The following PDCL3 variants were observed in gnomAD, a reference collection of about 807,000 sequenced individuals.
PDCL3 encodes phosducin-like protein 3.
In PDCL3, 22 loss-of-function variants were observed where a neutral mutation model predicts 26.5. The observed-to-expected ratio is 0.83, with a 90% CI of 0.59 to 1.19. PDCL3 has a LOEUF of 1.19. Among genes scored for constraint, PDCL3 ranks in the 50% most tolerant of loss-of-function variants. The pLI, the probability that PDCL3 is intolerant of heterozygous loss-of-function variation, is 0.00. For synonymous variants in PDCL3, 81 were observed against 104.9 expected, an observed-to-expected ratio of 0.77 and a Z score of 1.39; for missense variants, 246 against 294.1, an observed-to-expected ratio of 0.84 and a Z score of 1.20.
chr2:100,571,553 A>T (rs760831352), intron 4 of PDCL3, 37 bp from the exon 5 acceptor site: 10 of 1,586,078 alleles, frequency 6.3e-6, no homozygotes. Flanking sequence ...TAAATGTAGG[A>T]TCATAATTGC....
Position 100,571,576 on chromosome 2 carries a change from T to G in PDCL3, c.369-14T>G. On this transcript the variant is annotated splice_polypyrimidine_tract_variant and intron_variant, in intron 4 of 5. Coordinates refer to ENST00000264254, the MANE Select transcript of PDCL3 (RefSeq NM_024065.5). ...GGATCATAATTGCTTCTGTTTTCTA[T>G]GTGTGTTTTATAGAATTCCCCTCTG... The G allele has an allele frequency of 6.2e-7, 1 of 1,610,818 alleles. No individual in the cohort carries two copies. Among genetic ancestry groups the G allele is most frequent in the Non-Finnish European group, 8.5e-7 (1 of 1,178,824 alleles).
intron 1 of PDCL3, among the ~76,000 whole-genome samples, chr2:100,564,465 T>C (rs1675020446): frequency 6.6e-6 from 1 of 151,980 alleles, no homozygotes; most frequent in Non-Finnish European, 1.5e-5. Context: ...CCCGGGTAAT[T>C]TTTTGTATTT....
In PDCL3 at chr2:100,571,687, C is replaced by A; in HGVS notation, c.466C>A (p.Pro156Thr). ...CAAAGCCATTTCAACAACCTGCATA[C>A]CCAATTATCCTGATAGGAATCTGCC... ...FIKAISTTCI[P>T]NYPDRNLPTI... The change falls in exon 5 of 6, where the codon CCC becomes ACC. Residue 156 changes from proline (P) to threonine (T), a missense_variant. Pro to Thr is a conservative substitution (Grantham distance 38). Coordinates refer to ENST00000264254, the MANE Select transcript of PDCL3 (RefSeq NM_024065.5). 4 of 1,613,702 alleles carry A rather than the reference C, an allele frequency of 2.5e-6. No homozygotes were observed. The highest frequency in any genetic ancestry group is 3.4e-6 in the Non-Finnish European group (4 of 1,179,906).
rs150723180 is a variant in PDCL3 at position 100,566,704 on chromosome 2, G to A, written c.133+75G>A. 3.7e-4 allele frequency: 583 copies of A among 1,581,646 alleles called. 4 individuals are homozygous for A. In the East Asian group the frequency reaches 0.012, roughly 34 times the overall value. ...CCTAAGCCTCTGACTGCCCTGCCAG[G>A]AGACAGGTTGGAGTGCCAGCATGGA... is the stretch of plus-strand genomic sequence containing the variant. On this transcript the variant is annotated intron_variant, in intron 2 of 5. Coordinates refer to ENST00000264254, the MANE Select transcript of PDCL3 (RefSeq NM_024065.5).
chr2:100,572,573 A>G (rs1242629893), intron 5 of PDCL3, among the ~76,000 whole-genome samples: 1 of 149,616 alleles, frequency 6.7e-6, no homozygotes, highest in East Asian at 2.0e-4. Flanking sequence ...GCTGGAGTGC[A>G]ATCACGTGAT....
intron 5 of PDCL3, 126 bp from the exon 6 acceptor site, chr2:100,576,228 C>G: frequency 9.7e-7 from 1 of 1,027,290 alleles, no homozygotes; most frequent in Non-Finnish European, 1.4e-6. Flanking sequence ...AGGCGTGAGC[C>G]ATTGTGCTGG....
intron 5 of PDCL3, 124 bp downstream of exon 5, chr2:100,571,922 G>GTGACTGTGTAT: frequency 6.9e-5 from 62 of 895,140 alleles, no homozygotes; most frequent in Admixed American, 2.7e-4. Flanking sequence ...CTGTGTATGA[G>GTGACTGTGTAT]GACGGAAGCA....
rs563555847 is a variant in PDCL3 at position 100,568,094 on chromosome 2, C to T, written c.134-837C>T. On this transcript the variant is annotated intron_variant, in intron 2 of 5. Coordinates refer to ENST00000264254, the MANE Select transcript of PDCL3 (RefSeq NM_024065.5). ...CCTCCCAAAGAGCTGGGATTATAGG[C>T]GTGAGCCACTGCACCCAGCCAAGGG... is the stretch of plus-strand genomic sequence containing the variant. Among the ~76,000 whole-genome samples, 8 of 152,240 alleles carry T rather than the reference C, an allele frequency of 5.3e-5. No individual in the cohort carries two copies. The South Asian group carries it at 1.4e-3, about 28-fold the overall frequency.
At chr2:100,564,939 G>T (rs554538616) in intron 1 of PDCL3, among the ~76,000 whole-genome samples, 17 of 152,298 alleles carry the variant, frequency 1.1e-4, no homozygotes, top group Non-Finnish European at 1.6e-4. Flanking sequence ...AGAGTGCCCT[G>T]TATTTTATGA....
rs1209052370 is a variant in PDCL3, at chr2:100,568,996, G to A, written c.199G>A (p.Asp67Asn). The change falls in exon 3 of 6, where the codon GAT becomes AAT. Residue 67 changes from aspartate to asparagine, a missense_variant. Coordinates refer to ENST00000264254, the MANE Select transcript of PDCL3 (RefSeq NM_024065.5). ...TCATGAAGACGAGTTTAATGAGGAG[G>A]ATGAACGTGCTATTGAAATGTACAG... The part of the protein sequence containing the change: ...EDHEDEFNEE[D>N]ERAIEMYRRR... 1.9e-6 allele frequency: 3 copies of A among 1,614,048 alleles called. No individual in the cohort carries two copies. The highest frequency in any genetic ancestry group is 1.1e-5 in the South Asian group (1 of 91,078).
intron 5 of PDCL3, among the ~76,000 whole-genome samples, chr2:100,575,394 C>A (rs748947822): frequency 7.8e-4 from 119 of 152,334 alleles, no homozygotes; most frequent in Non-Finnish European, 1.4e-3. Flanking sequence ...CTTGGCCTCC[C>A]AAAGTGCTGG....
At chr2:100,567,739 A>G (rs1307871255) in intron 2 of PDCL3, among the ~76,000 whole-genome samples, 1 of 152,084 alleles carries the variant, frequency 6.6e-6, no homozygotes, top group Non-Finnish European at 1.5e-5. Context: ...CAGCAGACCC[A>G]GAAGCTTCTA....
In PDCL3 at chr2:100,569,605, A is replaced by G. The variant is rs1358187669; in HGVS notation, c.252A>G (p.Ala84=). 2 of 1,613,762 alleles carry G rather than the reference A, an allele frequency of 1.2e-6. No homozygotes were observed. Among genetic ancestry groups the G allele is most frequent in the African/African-American group, 1.3e-5 (1 of 75,038 alleles). Residue 84 remains alanine (A), a synonymous_variant, in exon 4 of 6, where the codon GCA becomes GCG. Transcript: ENST00000264254. ...YRRRRLAEWK[A]TKLKNKFGEV... ...GGCGGAGACTGGCTGAGTGGAAAGCAACTAAACTGAAGAATAAATTCGGAG... is the reference window on the plus strand; with the variant it reads ...GGCGGAGACTGGCTGAGTGGAAAGCGACTAAACTGAAGAATAAATTCGGAG...
At chr2:100,574,478 G>A (rs1394585621) in intron 5 of PDCL3, among the ~76,000 whole-genome samples, 1 of 150,828 alleles carries the variant, frequency 6.6e-6, no homozygotes, top group Non-Finnish European at 1.5e-5. Context: ...GAGGTATGAT[G>A]ACCAAAACAA....
chr2:100,574,876 A>G (rs1011958229), intron 5 of PDCL3, among the ~76,000 whole-genome samples: 1 of 152,196 alleles, frequency 6.6e-6, no homozygotes, highest in Non-Finnish European at 1.5e-5. Context: ...CTAAGGCTGG[A>G]GGATTGCATG....
intron 1 of PDCL3, among the ~76,000 whole-genome samples, chr2:100,565,210 C>T (rs182456509): frequency 6.6e-5 from 10 of 152,136 alleles, no homozygotes; most frequent in African/African-American, 2.4e-4. Context: ...CTCAGATGCT[C>T]CACCTGCCTT....
intron 4 of PDCL3, 120 bp downstream of exon 4, chr2:100,569,841 TCA>T: frequency 9.0e-7 from 1 of 1,113,754 alleles, no homozygotes; most frequent in South Asian, 1.7e-5. Flanking sequence ...GCGCAGTAGC[TCA>T]CACCTGTAAT....
At position 100,569,016 on chromosome 2, in the gene PDCL3, G is replaced by A. The variant is rs1479304074; in HGVS notation, c.219G>A (p.Met73Ile). 19 of 1,613,744 alleles carry A rather than the reference G, an allele frequency of 1.2e-5. No homozygotes were observed. Among genetic ancestry groups the A allele is most frequent in the Non-Finnish European group, 1.6e-5 (19 of 1,179,798 alleles). The change falls in exon 3 of 6, where the codon ATG becomes ATA. Residue 73 changes from methionine (M) to isoleucine (I), a missense_variant. By Grantham distance (10) the Met-to-Ile change is conservative. Coordinates refer to ENST00000264254, the MANE Select transcript of PDCL3 (RefSeq NM_024065.5). ...AGGAGGATGAACGTGCTATTGAAAT[G>A]TACAGGTAAGCGCCACCCAGAGGGG... ...FNEEDERAIEMYRRRRLAEWK... is the reference protein window; with the variant it reads ...FNEEDERAIEIYRRRRLAEWK...
chr2:100,575,704 T>A (rs1382713310), intron 5 of PDCL3, among the ~76,000 whole-genome samples: 3 of 152,198 alleles, frequency 2.0e-5, no homozygotes, highest in Admixed American at 6.5e-5. Context: ...TTGGAACAAA[T>A]GTGTAAGTTC....
Sources: gnomAD v4.1 joint callset for allele counts (sites outside exome capture counted in the v4.1 genomes callset) on GRCh38, gnomAD v4.1.1 for gene constraint, MANE v1.5 for transcripts, NCBI Gene and HGNC (gene_info 2026-07-23, HGNC 2026-07-21) for gene names.